The following GALNTL6 variants were observed in gnomAD, a reference collection of about 807,000 sequenced individuals.
The protein encoded by GALNTL6 is polypeptide N-acetylgalactosaminyltransferase like 6.
Under a neutral mutation model 73.7 loss-of-function variants are expected in GALNTL6, and 46 were observed. That is an observed-to-expected ratio of 0.62 (90% CI 0.49 to 0.80). GALNTL6 has a LOEUF of 0.80. GALNTL6 is among the 30% of genes least tolerant of loss of function. The pLI is 0.00. For missense variants in GALNTL6, 604 were observed against 755.0 expected (o/e 0.80, Z 2.34); for synonymous variants, 259 against 263.7 (o/e 0.98, Z 0.17).
intron 10 of GALNTL6, among the ~76,000 whole-genome samples, chr4:172,971,164 AGGAT>A (rs1268619414): frequency 6.6e-6 from 1 of 152,208 alleles, no homozygotes; most frequent in African/African-American, 2.4e-5. Flanking sequence ...TCACCCCCAT[AGGAT>A]GATGCAGCAA....
In GALNTL6 at chr4:172,092,872, TTTC is replaced by T. The variant is rs1269227867; in HGVS notation, c.139-136781_139-136779del. ...TAAGGCTAAAGCTAATTTTTTTTCT[TTTC>T]TTTTTTTTTTTTTTTTTGAGACGGA... On this transcript the variant is annotated intron_variant, in intron 2 of 12. Coordinates refer to ENST00000506823, the MANE Select transcript of GALNTL6 (RefSeq NM_001034845.3). Among the ~76,000 whole-genome samples, 24 of 149,774 alleles carry T rather than the reference TTTC, an allele frequency of 1.6e-4. No homozygotes were observed. In the East Asian group the frequency reaches 4.3e-3, roughly 27 times the overall value.
In GALNTL6 at chr4:172,672,532, A is replaced by G. The variant is rs149100363; in HGVS notation, c.554-136829A>G. 6.5e-3 allele frequency among the ~76,000 whole-genome samples: 997 copies of G among 152,326 alleles called. 12 individuals are homozygous for G. Among genetic ancestry groups the G allele is most frequent in the African/African-American group, 0.023 (959 of 41,560 alleles). ...TATCAGCATGATGCTGGCCTCATAG[A>G]ATGAGTTAAGAGGCGTTCCTCCTCC... On this transcript the variant is annotated intron_variant, in intron 5 of 12. Transcript: ENST00000506823.
intron 5 of GALNTL6, among the ~76,000 whole-genome samples, chr4:172,722,040 G>T (rs1375305174): frequency 6.6e-6 from 1 of 150,450 alleles, no homozygotes; most frequent in African/African-American, 2.4e-5. Flanking sequence ...AGTCCTGCAC[G>T]AACAGAGTTC....
chr4:171,980,901 A>G (rs1739877764), intron 2 of GALNTL6, among the ~76,000 whole-genome samples: 1 of 152,224 alleles, frequency 6.6e-6, no homozygotes, highest in Non-Finnish European at 1.5e-5. Flanking sequence ...GGTATATTTT[A>G]AAAAGTAGTA....
chr4:172,102,141 G>A (rs9884790), intron 2 of GALNTL6, among the ~76,000 whole-genome samples: 1 of 152,100 alleles, frequency 6.6e-6, no homozygotes, highest in African/African-American at 2.4e-5. Flanking sequence ...AAATAATTAA[G>A]GAGGAATTTC....
intron 5 of GALNTL6, among the ~76,000 whole-genome samples, chr4:172,640,583 G>A (rs781404818): frequency 1.1e-4 from 17 of 152,130 alleles, no homozygotes; most frequent in Non-Finnish European, 2.2e-4. Flanking sequence ...GTGGCTTGCA[G>A]AGGTCAGCTT....
chr4:172,320,466 A>G (rs1475735363), intron 4 of GALNTL6, among the ~76,000 whole-genome samples: 1 of 152,226 alleles, frequency 6.6e-6, no homozygotes, highest in Non-Finnish European at 1.5e-5. Context: ...TGCATAGAGA[A>G]GTTCAAACCT....
intron 5 of GALNTL6, among the ~76,000 whole-genome samples, chr4:172,496,582 C>T (rs338008): frequency 0.79 from 119,268 of 151,914 alleles, 47,263 homozygotes; most frequent in East Asian, 0.99. Context: ...ACTCAGGAAG[C>T]TGAGGTGGGG....
In GALNTL6 at chr4:172,050,928, G is replaced by A. The variant is rs1164266563; in HGVS notation, c.139-178728G>A. 3.9e-5 allele frequency among the ~76,000 whole-genome samples: 6 copies of A among 152,290 alleles called. No individual in the cohort carries two copies. The East Asian group carries it at 7.7e-4, about 20-fold the overall frequency. ...AAAAGAAGGAACGCTAGCTAAGAAA[G>A]TATGGTTATCATCAGGGTCACTAAT... On this transcript the variant is annotated intron_variant, in intron 2 of 12. Coordinates refer to ENST00000506823, the MANE Select transcript of GALNTL6 (RefSeq NM_001034845.3).
rs1737471987 is a variant in GALNTL6 at position 172,242,477 on chromosome 4, G to A, written c.247+12713G>A. ...GTCACTGCATTTGCCACTTGTTTTT[G>A]GATTAAAATATGAGTGAACTCAACG... On this transcript the variant is annotated intron_variant, in intron 3 of 12. Transcript: ENST00000506823. Among the ~76,000 whole-genome samples, 3 of 151,678 alleles carry A rather than the reference G, an allele frequency of 2.0e-5. 1 individual carries two copies. The South Asian group carries it at 6.2e-4, about 32-fold the overall frequency.
chr4:172,442,489 G>A (rs1319042944), intron 5 of GALNTL6, among the ~76,000 whole-genome samples: 1 of 152,040 alleles, frequency 6.6e-6, no homozygotes, highest in Non-Finnish European at 1.5e-5. Context: ...TATACTTACG[G>A]AAATAATCTG....
At chr4:172,204,269 T>G (rs1051302506) in intron 2 of GALNTL6, among the ~76,000 whole-genome samples, 1 of 152,188 alleles carries the variant, frequency 6.6e-6, no homozygotes, top group Non-Finnish European at 1.5e-5. Context: ...TTTTTAAAAC[T>G]GCGTCAATGT....
intron 2 of GALNTL6, among the ~76,000 whole-genome samples, chr4:172,056,884 A>G (rs1731033476): frequency 6.6e-6 from 1 of 152,152 alleles, no homozygotes; most frequent in Non-Finnish European, 1.5e-5. Context: ...AGTTGATAGC[A>G]TTATATTGTA....
chr4:172,769,177 G>A (rs545110859), intron 5 of GALNTL6, among the ~76,000 whole-genome samples: 27 of 152,212 alleles, frequency 1.8e-4, no homozygotes, highest in Admixed American at 6.5e-4. Context: ...GGCCTACGGA[G>A]CCACTGAAGG....
chr4:172,264,541 C>T (rs1738370423), intron 3 of GALNTL6, among the ~76,000 whole-genome samples: 2 of 113,564 alleles, frequency 1.8e-5, no homozygotes, highest in Non-Finnish European at 3.7e-5. Context: ...ATAAGGTTGG[C>T]ATAATATATG....
chr4:172,495,410 A>G (rs1270342493), intron 5 of GALNTL6, among the ~76,000 whole-genome samples: 2 of 152,160 alleles, frequency 1.3e-5, no homozygotes, highest in Admixed American at 6.5e-5. Context: ...CAGTCTTACT[A>G]TTAGCTGGTT....
chr4:172,598,464 G>T (rs59538118), intron 5 of GALNTL6, among the ~76,000 whole-genome samples: 5,308 of 152,106 alleles, frequency 0.035, 245 homozygotes, highest in African/African-American at 0.1. Context: ...CCAGGCTCTT[G>T]ATTACAACCA....
chr4:172,028,280 C>T (rs923442318), intron 2 of GALNTL6, among the ~76,000 whole-genome samples: 6 of 146,478 alleles, frequency 4.1e-5, no homozygotes, highest in South Asian at 2.2e-4. Context: ...TGTGGTAGTG[C>T]GAAATGAAAA....
At chr4:172,845,238 A>G (rs1009210258) in intron 7 of GALNTL6, among the ~76,000 whole-genome samples, 7 of 151,948 alleles carry the variant, frequency 4.6e-5, no homozygotes, top group Admixed American at 3.3e-4. Flanking sequence ...AAAAAAAGAA[A>G]AAGAAAAAGA....
Sources: allele counts gnomAD v4.1 joint callset (sites outside exome capture counted in the v4.1 genomes callset), GRCh38; gene constraint gnomAD v4.1.1; transcripts MANE v1.5; gene names NCBI Gene and HGNC (gene_info 2026-07-23, HGNC 2026-07-21).